RGP1: variants seen among roughly 807,000 people sequenced by gnomAD.
RGP1 encodes the protein RAB6A-GEF complex partner protein 2.
In RGP1, 28 loss-of-function variants were observed where a neutral mutation model predicts 44.5. The ratio of observed to expected loss-of-function variants is 0.63; its 90% confidence interval spans 0.47 to 0.86. RGP1 has a LOEUF of 0.86. Ranked by LOEUF, RGP1 falls within the 40% of genes least tolerant of loss-of-function variation. RGP1 has a pLI of 0.00. For synonymous variants in RGP1, 212 were observed against 196.7 expected (o/e 1.08, Z -0.65); for missense variants, 417 against 490.7 (o/e 0.85, Z 1.42).
At position 35,753,107 on chromosome 9, in the gene RGP1, G is replaced by C. The variant is rs769972956; in HGVS notation, c.*233G>C. Reference sequence around the variant, plus strand: ...ATGGATGATCAGTTGAGTTTAGCTGGAGTGGGGAGCAGGAGCCCCAGGAAC... The same window carrying C: ...ATGGATGATCAGTTGAGTTTAGCTGCAGTGGGGAGCAGGAGCCCCAGGAAC... On this transcript the variant is annotated 3_prime_UTR_variant, in exon 9 of 9. Coordinates refer to ENST00000378078, the MANE Select transcript of RGP1 (RefSeq NM_001080496.3). The surrounding 1 kb of genome is among the most constrained non-coding windows in gnomAD (Gnocchi z 4.2). The C allele has an allele frequency of 6.2e-7, 1 of 1,613,880 alleles. No homozygotes were observed.
the RGP1 span, among the ~76,000 whole-genome samples, chr9:35,772,849 C>T: frequency 6.6e-6 from 1 of 151,118 alleles, no homozygotes; most frequent in Non-Finnish European, 1.5e-5. Flanking sequence ...TTTTGAGCTG[C>T]ATACTAACTG....
chr9:35,778,087 G>T, the RGP1 span, among the ~76,000 whole-genome samples: 1 of 152,100 alleles, frequency 6.6e-6, no homozygotes, highest in African/African-American at 2.4e-5. Context: ...ATCACCTGAG[G>T]TCGGGAGTTT....
Position 35,753,265 on chromosome 9 carries a change from G to T in RGP1, c.*391G>T. 6.2e-7 allele frequency: 1 copy of T among 1,613,790 alleles called. No homozygotes were observed. Among genetic ancestry groups the T allele is most frequent in the Non-Finnish European group, 8.5e-7 (1 of 1,179,980 alleles). On this transcript the variant is annotated 3_prime_UTR_variant, in exon 9 of 9. Coordinates refer to ENST00000378078, the MANE Select transcript of RGP1 (RefSeq NM_001080496.3). The surrounding 1 kb of genome is among the most constrained non-coding windows in gnomAD (Gnocchi z 4.2). ...GTACCTCACACCCAGCCGGGAAGTC[G>T]ATGGGATGCTGGGACCTGGGGAACC...
chr9:35,775,800 T>C, the RGP1 span, among the ~76,000 whole-genome samples: 1 of 152,222 alleles, frequency 6.6e-6, no homozygotes, highest in Non-Finnish European at 1.5e-5. Flanking sequence ...GCTTTACTCT[T>C]CCAGAATATG....
downstream of RGP1, among the ~76,000 whole-genome samples, chr9:35,763,218 G>A (rs1022439588): frequency 6.6e-6 from 1 of 151,930 alleles, no homozygotes; most frequent in Non-Finnish European, 1.5e-5. Context: ...CATTGTTTTC[G>A]TCCTGAGATT....
In RGP1 at chr9:35,754,208, G is replaced by A. The variant is rs942758964; in HGVS notation, c.*1334G>A. On this transcript the variant is annotated 3_prime_UTR_variant, in exon 9 of 9. Transcript: ENST00000378078. ...TCTTGACTCCTTGACTTTGCTTTGC[G>A]TTGCTCCTTGAGTCTTAGTTTCTGT... is the stretch of plus-strand genomic sequence containing the variant. 16 of 1,522,396 alleles carry A rather than the reference G, an allele frequency of 1.1e-5. No individual in the cohort carries two copies. The highest frequency in any genetic ancestry group is 8.8e-5 in the South Asian group (7 of 79,938). 94.3% of individuals were successfully genotyped at this position (1,522,396 alleles called of 1,614,324 possible). A position where few individuals can be genotyped will look rare whatever the true frequency, so the allele number is the denominator to read the frequency against.
chr9:35,775,751 A>G, the RGP1 span, among the ~76,000 whole-genome samples: 1 of 152,240 alleles, frequency 6.6e-6, no homozygotes, highest in Admixed American at 6.5e-5. Context: ...AAACCTTTAC[A>G]CAGTGTAAAA....
At chr9:35,773,398 G>C in the RGP1 span, among the ~76,000 whole-genome samples, 2 of 151,628 alleles carry the variant, frequency 1.3e-5, no homozygotes, top group African/African-American at 4.9e-5. Flanking sequence ...TAAGTAAAAA[G>C]AAAGAAAAGA....
At chr9:35,750,449 G>C in intron 3 of RGP1, 70 bp downstream of exon 3, 1 of 1,547,580 alleles carries the variant, frequency 6.5e-7, no homozygotes, top group Non-Finnish European at 8.9e-7. Flanking sequence ...GTCACCCATG[G>C]GTGAAGTTGT....
At chr9:35,767,283 G>GTTTTT in the RGP1 span, among the ~76,000 whole-genome samples, 13 of 108,418 alleles carry the variant, frequency 1.2e-4, no homozygotes, top group South Asian at 3.3e-4. Context: ...AAGCAAATTG[G>GTTTTT]TTTTTTTTTT....
downstream of RGP1, among the ~76,000 whole-genome samples, chr9:35,761,740 C>T (rs1307942732): frequency 1.3e-5 from 2 of 152,164 alleles, no homozygotes; most frequent in African/African-American, 2.4e-5. Context: ...AATTTGGGTT[C>T]TATTTACACT....
chr9:35,763,455 G>A (rs548362043), downstream of RGP1, among the ~76,000 whole-genome samples: 211 of 152,146 alleles, frequency 1.4e-3, no homozygotes, highest in Non-Finnish European at 2.1e-3. Context: ...ATGACAAGAA[G>A]ATACAAAAGA....
At chr9:35,783,390 C>T in the RGP1 span, among the ~76,000 whole-genome samples, 1 of 152,052 alleles carries the variant, frequency 6.6e-6, no homozygotes, top group Non-Finnish European at 1.5e-5. Context: ...CAAAGTCACC[C>T]TACTGTGCAA....
At chr9:35,765,965 G>T in the RGP1 span, among the ~76,000 whole-genome samples, 1 of 150,970 alleles carries the variant, frequency 6.6e-6, no homozygotes, top group African/African-American at 2.4e-5. Flanking sequence ...CTCCTGAGTA[G>T]CTGGGACTAC....
the RGP1 span, among the ~76,000 whole-genome samples, chr9:35,763,881 C>CAAAAAA: frequency 9.8e-5 from 8 of 81,768 alleles, no homozygotes; most frequent in African/African-American, 1.7e-4. Context: ...GACTCCATCT[C>CAAAAAA]AAAAAAAAAA....
chr9:35,753,716 G>A lies in RGP1; in HGVS notation c.*842G>A, dbSNP rs758771580. ...GACAGGTGCAATGGAAACAGTCCTTGCGGAGCCAAGACTCACCCAGGGTAA... is the reference window on the plus strand; with the variant it reads ...GACAGGTGCAATGGAAACAGTCCTTACGGAGCCAAGACTCACCCAGGGTAA... On this transcript the variant is annotated 3_prime_UTR_variant, in exon 9 of 9. Transcript: ENST00000378078. This position sits in a 1 kb window ranked among gnomAD's most constrained non-coding sequence, Gnocchi z 4.2. The A allele has an allele frequency of 1.9e-6, 3 of 1,614,164 alleles. No individual in the cohort carries two copies. Among genetic ancestry groups the A allele is most frequent in the Non-Finnish European group, 1.7e-6 (2 of 1,180,016 alleles).
chr9:35,778,127 C>T, the RGP1 span, among the ~76,000 whole-genome samples: 31 of 152,178 alleles, frequency 2.0e-4, no homozygotes, highest in African/African-American at 7.0e-4. Flanking sequence ...TGGAGAAACC[C>T]CGTCTCTACT....
chr9:35,765,437 G>A, the RGP1 span, among the ~76,000 whole-genome samples: 1 of 152,124 alleles, frequency 6.6e-6, no homozygotes, highest in Non-Finnish European at 1.5e-5. Flanking sequence ...CAGGCAGACT[G>A]CTTGAGTCCA....
the RGP1 span, among the ~76,000 whole-genome samples, chr9:35,788,434 C>T: frequency 1.3e-5 from 2 of 151,996 alleles, no homozygotes; most frequent in Non-Finnish European, 2.9e-5. Flanking sequence ...GGCATGGTGG[C>T]GGGCGCCTGT....
Sources: gnomAD v4.1 joint callset for allele counts (sites outside exome capture counted in the v4.1 genomes callset) on GRCh38, gnomAD v4.1.1 for gene constraint, Gnocchi (gnomAD v3.1) non-coding constraint, MANE v1.5 for transcripts, NCBI Gene and HGNC (gene_info 2026-07-23, HGNC 2026-07-21) for gene names.